The following SLC20A2 variants were observed in gnomAD, a reference collection of about 807,000 sequenced individuals.
SLC20A2 encodes the protein sodium-dependent phosphate transporter 2.
Under a neutral mutation model 61.0 loss-of-function variants are expected in SLC20A2, and 30 were observed. The ratio of observed to expected loss-of-function variants is 0.49; its 90% CI spans 0.37 to 0.67. The LOEUF (loss-of-function observed/expected upper bound fraction) is 0.67. Ranked by LOEUF, SLC20A2 falls within the 30% of genes least tolerant of loss-of-function variation. The pLI, the probability that SLC20A2 is intolerant of heterozygous loss-of-function variation, is 0.00. For missense variants in SLC20A2, 626 were observed against 866.4 expected (o/e 0.72, Z 3.48); for synonymous variants, 351 against 353.3 (o/e 0.99, Z 0.07).
chr8:42,482,145 A>AT (rs552772839), intron 1 of SLC20A2, among the ~76,000 whole-genome samples: 269 of 151,824 alleles, frequency 1.8e-3, no homozygotes, highest in Non-Finnish European at 3.3e-3. Flanking sequence ...CATGGAAAAT[A>AT]TTTTTTTTTA....
chr8:42,526,616 T>C (rs1811965894), intron 1 of SLC20A2, among the ~76,000 whole-genome samples: 1 of 148,954 alleles, frequency 6.7e-6, no homozygotes, highest in Non-Finnish European at 1.5e-5. Context: ...GAGGTTGCAG[T>C]GAGCCGAGAT....
intron 1 of SLC20A2, among the ~76,000 whole-genome samples, chr8:42,476,783 C>G (rs1175511047): frequency 6.6e-6 from 1 of 152,196 alleles, no homozygotes; most frequent in Non-Finnish European, 1.5e-5. Context: ...AGGCTTGCCA[C>G]CTTCTTTCCT....
chr8:42,464,726 A>G (rs999656364), intron 3 of SLC20A2, among the ~76,000 whole-genome samples: 1 of 152,124 alleles, frequency 6.6e-6, no homozygotes, highest in Non-Finnish European at 1.5e-5. Flanking sequence ...TAATCCTGGC[A>G]CTTTTGCAGC....
At chr8:42,421,696 C>T (rs911916278) in intron 10 of SLC20A2, among the ~76,000 whole-genome samples, 6 of 152,082 alleles carry the variant, frequency 3.9e-5, no homozygotes, top group Admixed American at 1.3e-4. Context: ...CCCAGCTACT[C>T]GGGAGGCTGA....
chr8:42,516,618 C>A (rs540149892), intron 1 of SLC20A2, among the ~76,000 whole-genome samples: 2 of 152,334 alleles, frequency 1.3e-5, no homozygotes, highest in Admixed American at 1.3e-4. Flanking sequence ...GAGCTACATA[C>A]CATCCTCTGG....
intron 1 of SLC20A2, among the ~76,000 whole-genome samples, chr8:42,476,947 G>T (rs559156438): frequency 2.3e-4 from 35 of 152,218 alleles, no homozygotes; most frequent in Non-Finnish European, 4.6e-4. Flanking sequence ...CCTGAACCGT[G>T]GGGACTGTGG....
chr8:42,425,602 G>A (rs757309934), intron 10 of SLC20A2, among the ~76,000 whole-genome samples: 6 of 152,148 alleles, frequency 3.9e-5, no homozygotes, highest in Non-Finnish European at 7.3e-5. Context: ...AGAAGTCCAC[G>A]ATCAATGATA....
intron 1 of SLC20A2, among the ~76,000 whole-genome samples, chr8:42,496,558 A>G (rs1364451050): frequency 6.6e-6 from 1 of 152,230 alleles, no homozygotes; most frequent in East Asian, 1.9e-4. Flanking sequence ...GAGAAGGCAG[A>G]GCACTTACTT....
intron 5 of SLC20A2, among the ~76,000 whole-genome samples, chr8:42,455,619 G>A (rs954969735): frequency 1.3e-5 from 2 of 151,456 alleles, no homozygotes; most frequent in Non-Finnish European, 2.9e-5. Flanking sequence ...GAGATTGCTG[G>A]AGCCTAGGTG....
At chr8:42,532,974 CTAAA>C (rs1173183666) in intron 1 of SLC20A2, among the ~76,000 whole-genome samples, 1 of 151,940 alleles carries the variant, frequency 6.6e-6, no homozygotes, top group Non-Finnish European at 1.5e-5. Context: ...ATACAAGAAA[CTAAA>C]TAAGAAATTC....
intron 1 of SLC20A2, among the ~76,000 whole-genome samples, chr8:42,512,487 A>G (rs1372563086): frequency 6.6e-6 from 1 of 151,698 alleles, no homozygotes; most frequent in Non-Finnish European, 1.5e-5. Flanking sequence ...AGTAGCTGGG[A>G]CTACAGGCGT....
At chr8:42,464,279 CTTTCTTTTT>C (rs966119107) in intron 3 of SLC20A2, among the ~76,000 whole-genome samples, 10 of 136,816 alleles carry the variant, frequency 7.3e-5, no homozygotes, top group African/African-American at 3.0e-4. Flanking sequence ...GGCTAATTTT[CTTTCTTTTT>C]TTTTTTTTTT....
intron 1 of SLC20A2, chr8:42,484,811 G>T: frequency 3.2e-6 from 1 of 314,146 alleles, no homozygotes; most frequent in South Asian, 2.9e-5. Flanking sequence ...ACCTGGGCCT[G>T]GCCTTCCAGA....
chr8:42,535,956 G>A (rs1005042678), intron 1 of SLC20A2, among the ~76,000 whole-genome samples: 4 of 152,194 alleles, frequency 2.6e-5, no homozygotes, highest in African/African-American at 9.7e-5. Flanking sequence ...GGGACTGGTA[G>A]AGATTTCATT....
In SLC20A2 at chr8:42,437,847, C is replaced by T. The variant is rs1481866638; in HGVS notation, c.935-270G>A. ...GCCAGGATGGTCTCAAGCTCCTAAC[C>T]TCATGATCCGCCCACCTTGGCCTCC... On this transcript the variant is annotated intron_variant, in intron 7 of 10. Transcript: ENST00000520262. The surrounding 1 kb of genome is among the most constrained non-coding windows in gnomAD (Gnocchi z 6.4). 1.3e-5 allele frequency among the ~76,000 whole-genome samples: 2 copies of T among 151,762 alleles called. No homozygotes were observed. The highest frequency in any genetic ancestry group is 4.1e-4 in the South Asian group (2 of 4,822).
intron 2 of SLC20A2, among the ~76,000 whole-genome samples, chr8:42,466,980 AT>A (rs1463869916): frequency 1.3e-4 from 19 of 151,912 alleles, no homozygotes; most frequent in Admixed American, 1.2e-3. Context: ...AATTATTAAA[AT>A]TTTTTTGCAG....
chr8:42,468,828 G>A (rs1807393376), intron 2 of SLC20A2, among the ~76,000 whole-genome samples: 1 of 152,138 alleles, frequency 6.6e-6, no homozygotes, highest in African/African-American at 2.4e-5. Flanking sequence ...GAGCTGGCTC[G>A]TTTGTGCTAG....
intron 10 of SLC20A2, among the ~76,000 whole-genome samples, chr8:42,427,471 G>T (rs148386433): frequency 1.3e-5 from 2 of 152,168 alleles, no homozygotes; most frequent in East Asian, 3.9e-4. Context: ...TGACAGTTCC[G>T]CCCCCACAGG....
chr8:42,504,116 T>A (rs1048444754), upstream of SLC20A2, among the ~76,000 whole-genome samples: 16 of 152,200 alleles, frequency 1.1e-4, no homozygotes, highest in African/African-American at 3.1e-4. Context: ...ATTTTAAAAT[T>A]TTTTTGTAGA....
Sources: allele counts gnomAD v4.1 joint callset (sites outside exome capture counted in the v4.1 genomes callset), GRCh38; gene constraint gnomAD v4.1.1; non-coding constraint Gnocchi (gnomAD v3.1); transcripts MANE v1.5; gene names NCBI Gene and HGNC (gene_info 2026-07-23, HGNC 2026-07-21).